Variants in NFATC2 observed in about 807,000 individuals in gnomAD.
NFATC2 encodes the protein nuclear factor of activated T cells 2, also known as nuclear factor of activated T-cells, cytoplasmic 2.
NFATC2 carries 22 observed loss-of-function variants against 87.3 expected under a neutral mutation model. The ratio of observed to expected loss-of-function variants is 0.25; its 90% CI spans 0.18 to 0.36. The LOEUF (loss-of-function observed/expected upper bound fraction) is 0.36. Ranked by LOEUF, NFATC2 falls within the 10% of genes least tolerant of loss-of-function variation. The pLI is 1.00. For synonymous variants in NFATC2, 565 were observed against 542.2 expected, an observed-to-expected ratio of 1.04 and a Z score of -0.58; for missense variants, 1,149 against 1,259.1, an observed-to-expected ratio of 0.91 and a Z score of 1.32.
At chr20:51,428,598 A>G (rs534865570) in intron 9 of NFATC2, among the ~76,000 whole-genome samples, 3 of 152,276 alleles carry the variant, frequency 2.0e-5, no homozygotes, top group Admixed American at 6.5e-5. Context: ...CCCAGACGCG[A>G]CGCTGGGATC....
At chr20:51,442,899 C>T (rs978719998) in intron 6 of NFATC2, among the ~76,000 whole-genome samples, 2 of 152,046 alleles carry the variant, frequency 1.3e-5, no homozygotes, top group African/African-American at 4.8e-5. Context: ...CCGGGGCCCC[C>T]AAACAGGGAG....
intron 3 of NFATC2, among the ~76,000 whole-genome samples, chr20:51,495,152 T>A (rs2075967090): frequency 6.6e-6 from 1 of 152,148 alleles, no homozygotes; most frequent in Non-Finnish European, 1.5e-5. Context: ...TGGCACCATC[T>A]CAGCTCACTG....
intron 5 of NFATC2, among the ~76,000 whole-genome samples, chr20:51,462,476 C>A (rs569081269): frequency 6.6e-6 from 1 of 152,204 alleles, no homozygotes; most frequent in South Asian, 2.1e-4. Flanking sequence ...CAGACAATTA[C>A]AAATGCTATA....
chr20:51,429,178 G>T (rs1011438837), intron 9 of NFATC2, among the ~76,000 whole-genome samples: 17 of 152,346 alleles, frequency 1.1e-4, no homozygotes, highest in African/African-American at 4.1e-4. Context: ...CGGGCTAGGA[G>T]AATTTGAAAT....
At chr20:51,515,792 T>C (rs762611898) in intron 3 of NFATC2, among the ~76,000 whole-genome samples, 10 of 152,094 alleles carry the variant, frequency 6.6e-5, no homozygotes, top group Non-Finnish European at 1.5e-4. Context: ...TTGGGGAGTT[T>C]GCTGTTTTTC....
chr20:51,398,733 G>A lies in NFATC2; in HGVS notation c.2723-3C>T. On this transcript the variant is annotated splice_region_variant and splice_polypyrimidine_tract_variant and intron_variant, in intron 9 of 10. Transcript: ENST00000371564. ...GCTAAGGTGTGTGTCTATCAGCTCT[G>A]AAAAAGATTTGCAAAATCATTTTTG... The A allele has an allele frequency of 6.2e-7, 1 of 1,601,212 alleles. No homozygotes were observed.
At chr20:51,454,825 T>C in intron 5 of NFATC2, 137 bp from the exon 6 acceptor site, 2 of 954,936 alleles carry the variant, frequency 2.1e-6, no homozygotes, top group South Asian at 1.6e-5. Context: ...TGTGGAACCA[T>C]CACCCCTGAC....
At chr20:51,553,403 C>A (rs1030768568) in intron 1 of NFATC2, among the ~76,000 whole-genome samples, 6 of 151,810 alleles carry the variant, frequency 4.0e-5, no homozygotes, top group Non-Finnish European at 5.9e-5. Flanking sequence ...GTGCTGGGCG[C>A]GGTGGCTCAC....
chr20:51,390,272 A>G lies in NFATC2; in HGVS notation c.*1224T>C, dbSNP rs542663596. On this transcript the variant is annotated 3_prime_UTR_variant, in exon 11 of 11. Coordinates refer to ENST00000371564, the MANE Select transcript of NFATC2 (RefSeq NM_012340.5). ...TAAATAGGTTCAGGTCAAATTAACC[A>G]GTGAAGCTGGGAAGCACATCCTGAG... The G allele has an allele frequency of 2.0e-5, 3 of 152,356 alleles. No individual in the cohort carries two copies. In the East Asian group the frequency reaches 5.8e-4, roughly 29 times the overall value. The allele number at this position is 152,356 out of a possible 1,614,324, so 9.4% of individuals were successfully genotyped here.
chr20:51,387,249 G>T lies in NFATC2; in HGVS notation c.*4247C>A, dbSNP rs1391694122. On this transcript the variant is annotated 3_prime_UTR_variant, in exon 11 of 11. Transcript: ENST00000371564. ...ACAAGATGTCCAGGATGCTAAGCTTGTCCCAACAGCCATAGCCTCGGTCTG... is the reference window on the plus strand; with the variant it reads ...ACAAGATGTCCAGGATGCTAAGCTTTTCCCAACAGCCATAGCCTCGGTCTG... 6.6e-6 allele frequency: 1 copy of T among 152,180 alleles called. No individual in the cohort carries two copies. The highest frequency in any genetic ancestry group is 6.5e-5 in the Admixed American group (1 of 15,284). 9.4% of individuals were successfully genotyped at this position (152,180 alleles called of 1,614,324 possible).
intron 1 of NFATC2, among the ~76,000 whole-genome samples, chr20:51,537,314 G>A (rs185160308): frequency 5.5e-4 from 84 of 152,174 alleles, no homozygotes; most frequent in African/African-American, 2.0e-3. Flanking sequence ...CTGCCCATGT[G>A]GAGCATGCAC....
At chr20:51,560,036 C>T (rs951920782) in intron 1 of NFATC2, among the ~76,000 whole-genome samples, 1 of 152,212 alleles carries the variant, frequency 6.6e-6, no homozygotes, top group Middle Eastern at 3.2e-3. Flanking sequence ...GAAAGTACTG[C>T]ATCTCTTCAA....
chr20:51,427,460 C>G (rs547457933), intron 9 of NFATC2, among the ~76,000 whole-genome samples: 1 of 152,318 alleles, frequency 6.6e-6, no homozygotes, highest in East Asian at 1.9e-4. Context: ...CATGACAGGG[C>G]CTGCGGGGCA....
intron 9 of NFATC2, among the ~76,000 whole-genome samples, chr20:51,422,217 A>G (rs1981032082): frequency 6.6e-6 from 1 of 152,200 alleles, no homozygotes; most frequent in Non-Finnish European, 1.5e-5. Context: ...TGGGGTGCTC[A>G]AGGCTCATCA....
At chr20:51,427,902 C>A (rs1286553133) in intron 9 of NFATC2, among the ~76,000 whole-genome samples, 2 of 152,224 alleles carry the variant, frequency 1.3e-5, no homozygotes, top group African/African-American at 4.8e-5. Flanking sequence ...TTACTGCCTT[C>A]CATGCTAATG....
chr20:51,424,179 G>A (rs1354062217), intron 9 of NFATC2, among the ~76,000 whole-genome samples: 1 of 152,202 alleles, frequency 6.6e-6, no homozygotes, highest in Non-Finnish European at 1.5e-5. Flanking sequence ...AACTCTTGCA[G>A]ATTCTGTGGG....
In NFATC2 at chr20:51,542,665, G is replaced by A; in HGVS notation, c.-166C>T. ...CGGCGCGCCTGGCGCAGCGGGTCCT[G>A]GACGCGCCCGGGGAAGCTGAGCGGC... is the stretch of plus-strand genomic sequence containing the variant. On this transcript the variant is annotated 5_prime_UTR_variant, in exon 1 of 11. Coordinates refer to ENST00000371564, the MANE Select transcript of NFATC2 (RefSeq NM_012340.5). 8.6e-7 allele frequency: 1 copy of A among 1,160,466 alleles called. No homozygotes were observed. The highest frequency in any genetic ancestry group is 4.1e-5 in the East Asian group (1 of 24,566). 71.9% of individuals were successfully genotyped at this position (1,160,466 alleles called of 1,614,324 possible).
upstream of NFATC2, among the ~76,000 whole-genome samples, chr20:51,547,345 T>C (rs556301639): frequency 2.6e-5 from 4 of 152,276 alleles, no homozygotes; most frequent in South Asian, 8.3e-4. Flanking sequence ...TCTCTTCCTC[T>C]TCTAGGCTTC....
At chr20:51,494,034 A>G (rs1035931103) in intron 3 of NFATC2, among the ~76,000 whole-genome samples, 2 of 152,108 alleles carry the variant, frequency 1.3e-5, no homozygotes, top group African/African-American at 4.8e-5. Flanking sequence ...GTGCCTGGCA[A>G]AGAGTGGGTG....
Sources: allele counts gnomAD v4.1 joint callset (sites outside exome capture counted in the v4.1 genomes callset), GRCh38; gene constraint gnomAD v4.1.1; transcripts MANE v1.5; gene names NCBI Gene and HGNC (gene_info 2026-07-23, HGNC 2026-07-21).